Variants in ATP2B2 observed in about 807,000 individuals in gnomAD.
ATP2B2 encodes plasma membrane calcium-transporting ATPase 2.
In ATP2B2, 15 loss-of-function variants were observed where a neutral mutation model predicts 120.0. The ratio of observed to expected loss-of-function variants is 0.12; its 90% confidence interval spans 0.08 to 0.19. The LOEUF (loss-of-function observed/expected upper bound fraction) is 0.19, where lower values mean the gene tolerates loss of function less well. Among genes scored for constraint, ATP2B2 ranks in the 10% least tolerant of loss-of-function variants. The probability of loss-of-function intolerance (pLI) is 1.00; values close to 1 mark genes in which losing one functional copy is unlikely to be tolerated. For synonymous variants in ATP2B2, 694 were observed against 700.3 expected (o/e 0.99, Z 0.14); for missense variants, 1,045 against 1,719.8 (o/e 0.61, Z 6.94).
Position 10,328,980 on chromosome 3 carries a change from T to C in ATP2B2, c.3566A>G (p.Asp1189Gly). The C allele has an allele frequency of 6.2e-7, 1 of 1,613,712 alleles. No individual in the cohort carries two copies. Among genetic ancestry groups the C allele is most frequent in the Non-Finnish European group, 8.5e-7 (1 of 1,179,922 alleles). ...QPHIPLIDDT[D>G]LEEDAALKQN... ...CTTGAGCGCGGCATCTTCTTCCAGG[T>C]CGGTGTCATCAATGAGGGGGATGTG... Residue 1189 changes from aspartate (D) to glycine (G), a missense_variant, in exon 23 of 23, where the codon GAC becomes GGC. This residue lies in a region of ATP2B2 where 211 missense variants were observed against 385.1 expected (regional missense o/e 0.55). Transcript: ENST00000360273.
chr3:10,591,797 T>G (rs1021873782), intron 2 of ATP2B2, among the ~76,000 whole-genome samples: 1 of 152,240 alleles, frequency 6.6e-6, no homozygotes, highest in Non-Finnish European at 1.5e-5. Context: ...CTTGCACTGC[T>G]GAAGGCCATT....
intron 1 of ATP2B2, among the ~76,000 whole-genome samples, chr3:10,482,672 C>G (rs906160276): frequency 6.6e-6 from 1 of 152,230 alleles, no homozygotes; most frequent in African/African-American, 2.4e-5. Context: ...GGTCTCCCCC[C>G]TGAGGCCTCG....
intron 16 of ATP2B2, among the ~76,000 whole-genome samples, chr3:10,349,649 A>G (rs1000224561): frequency 6.6e-6 from 1 of 151,910 alleles, no homozygotes; most frequent in Non-Finnish European, 1.5e-5. Context: ...CAGGGACCAG[A>G]CAGACCAAGA....
rs139043396 is a variant in ATP2B2 at position 10,563,939 on chromosome 3, T to G, written c.-414-29806A>C. ...AGCCAGGTTTAGAACCAAGTCTGTT[T>G]ATGCCTTAACTTCCCCACCTGTGGA... On this transcript the variant is annotated intron_variant, in intron 2 of 21. Transcript: ENST00000646379. Among the ~76,000 whole-genome samples, 15 of 152,344 alleles carry G rather than the reference T, an allele frequency of 9.8e-5. 1 individual carries two copies. In the East Asian group the frequency reaches 2.9e-3, roughly 29 times the overall value.
chr3:10,345,105 A>G (rs1172881139), intron 18 of ATP2B2, among the ~76,000 whole-genome samples: 2 of 152,158 alleles, frequency 1.3e-5, no homozygotes, highest in African/African-American at 4.8e-5. Context: ...TGCCTCCTGC[A>G]GTGAGGGCCA....
intron 1 of ATP2B2, among the ~76,000 whole-genome samples, chr3:10,671,818 T>A (rs138161279): frequency 2.4e-4 from 36 of 152,248 alleles, no homozygotes; most frequent in Non-Finnish European, 4.6e-4. Context: ...GTCTGCTTAG[T>A]CAAGGAGAGA....
At chr3:10,653,839 CT>C (rs2070534483) in intron 1 of ATP2B2, among the ~76,000 whole-genome samples, 1 of 152,164 alleles carries the variant, frequency 6.6e-6, no homozygotes, top group African/African-American at 2.4e-5. Context: ...CCCTACAGCA[CT>C]TTTTCTCGTG....
intron 2 of ATP2B2, among the ~76,000 whole-genome samples, chr3:10,596,617 T>C (rs1167964044): frequency 6.6e-6 from 1 of 152,234 alleles, no homozygotes; most frequent in African/African-American, 2.4e-5. Context: ...AAAAAGCTCA[T>C]ATTTCTTCAA....
intron 2 of ATP2B2, among the ~76,000 whole-genome samples, chr3:10,534,336 A>G (rs1475784183): frequency 6.6e-6 from 1 of 152,132 alleles, no homozygotes; most frequent in Non-Finnish European, 1.5e-5. Context: ...GGGTCCAGAG[A>G]CCATCTCAGG....
intron 1 of ATP2B2, among the ~76,000 whole-genome samples, chr3:10,504,472 C>T (rs985117477): frequency 7.2e-5 from 11 of 152,068 alleles, no homozygotes; most frequent in African/African-American, 1.7e-4. Flanking sequence ...GCTCACTTAC[C>T]CTTCTGAAGG....
At chr3:10,491,120 T>C (rs1246259018) in intron 1 of ATP2B2, among the ~76,000 whole-genome samples, 1 of 152,100 alleles carries the variant, frequency 6.6e-6, no homozygotes, top group African/African-American at 2.4e-5. Context: ...GGGGCAACAA[T>C]GCATCCTACT....
At chr3:10,544,371 C>A (rs569562838) in intron 2 of ATP2B2, among the ~76,000 whole-genome samples, 10 of 152,300 alleles carry the variant, frequency 6.6e-5, no homozygotes, top group African/African-American at 2.4e-4. Context: ...GGGGCCTAGG[C>A]CAAAAGTCTG....
intron 21 of ATP2B2, among the ~76,000 whole-genome samples, chr3:10,339,496 G>A (rs539139456): frequency 1.3e-4 from 20 of 152,304 alleles, no homozygotes; most frequent in African/African-American, 4.8e-4. Flanking sequence ...CTGTGTCCTG[G>A]GTCAGGAGCC....
At chr3:10,475,954 C>A (rs1189334202) in intron 1 of ATP2B2, among the ~76,000 whole-genome samples, 1 of 152,160 alleles carries the variant, frequency 6.6e-6, no homozygotes, top group Admixed American at 6.5e-5. Context: ...TACTTTATAA[C>A]CCCATCCTCC....
chr3:10,441,505 G>T (rs1478729787), intron 2 of ATP2B2, among the ~76,000 whole-genome samples: 1 of 152,210 alleles, frequency 6.6e-6, no homozygotes, highest in African/African-American at 2.4e-5. Context: ...CTCCCAAAGT[G>T]CTGGGATTAC....
intron 1 of ATP2B2, among the ~76,000 whole-genome samples, chr3:10,462,833 G>T (rs1315115856): frequency 6.6e-6 from 1 of 152,112 alleles, no homozygotes; most frequent in Non-Finnish European, 1.5e-5. Context: ...CATCCCACCT[G>T]ATTGGCTCTG....
chr3:10,575,507 G>A (rs933843808), intron 2 of ATP2B2, among the ~76,000 whole-genome samples: 1 of 152,186 alleles, frequency 6.6e-6, no homozygotes, highest in African/African-American at 2.4e-5. Flanking sequence ...ATGGATAGTG[G>A]TGATGGTTGC....
intron 1 of ATP2B2, among the ~76,000 whole-genome samples, chr3:10,690,529 A>AT (rs1408582518): frequency 6.6e-6 from 1 of 152,122 alleles, no homozygotes; most frequent in Non-Finnish European, 1.5e-5. Flanking sequence ...CATTTTACAG[A>AT]TGAGGAAACT....
At chr3:10,410,181 A>G (rs1487260486) in intron 3 of ATP2B2, among the ~76,000 whole-genome samples, 1 of 152,128 alleles carries the variant, frequency 6.6e-6, no homozygotes, top group Non-Finnish European at 1.5e-5. Flanking sequence ...TTTTTGGGGA[A>G]CAGGTGGTAC....
Sources: gnomAD v4.1 joint callset for allele counts (sites outside exome capture counted in the v4.1 genomes callset) on GRCh38, gnomAD v4.1.1 for gene constraint, gnomAD v4.1.1 regional missense constraint, MANE v1.5 for transcripts, NCBI Gene and HGNC (gene_info 2026-07-23, HGNC 2026-07-21) for gene names.